Variants in SOX5 observed in about 807,000 individuals in gnomAD.
The protein encoded by SOX5 is transcription factor SOX-5.
In SOX5, 9 loss-of-function variants were observed where a neutral mutation model predicts 92.0. The observed-to-expected ratio is 0.10, with a 90% CI of 0.06 to 0.17. SOX5 has a LOEUF of 0.17. SOX5 is among the 10% of genes least tolerant of loss of function. The pLI, the probability that SOX5 is intolerant of heterozygous loss-of-function variation, is 1.00. For synonymous variants in SOX5, 344 were observed against 336.3 expected, an observed-to-expected ratio of 1.02 and a Z score of -0.25; for missense variants, 642 against 944.5, an observed-to-expected ratio of 0.68 and a Z score of 4.20.
intron 2 of SOX5, among the ~76,000 whole-genome samples, chr12:23,850,298 G>A (rs373805807): frequency 7.3e-5 from 11 of 151,656 alleles, no homozygotes; most frequent in South Asian, 2.1e-4. Flanking sequence ...GCGTGGTGGC[G>A]CGCACCTGTA....
chr12:23,772,082 C>G (rs1018985275), intron 3 of SOX5, among the ~76,000 whole-genome samples: 3 of 152,016 alleles, frequency 2.0e-5, no homozygotes, highest in African/African-American at 7.3e-5. Context: ...TAAGTGGTTA[C>G]CATGGAATTA....
At chr12:23,838,975 G>T (rs1023031444) in intron 3 of SOX5, among the ~76,000 whole-genome samples, 4 of 151,636 alleles carry the variant, frequency 2.6e-5, no homozygotes, top group African/African-American at 4.8e-5. Flanking sequence ...AAGCAGCTGG[G>T]ATTACAGGTG....
intron 4 of SOX5, among the ~76,000 whole-genome samples, chr12:24,147,142 T>C (rs1784768428): frequency 6.6e-6 from 1 of 152,204 alleles, no homozygotes; most frequent in Non-Finnish European, 1.5e-5. Context: ...GAGGCCAGTA[T>C]ACCTTGATAC....
intron 2 of SOX5, among the ~76,000 whole-genome samples, chr12:24,294,176 A>G (rs1946933355): frequency 1.3e-5 from 2 of 152,192 alleles, no homozygotes; most frequent in Admixed American, 6.5e-5. Flanking sequence ...CATGTAAATA[A>G]TGCTTAAATG....
chr12:23,890,219 C>G (rs1409867644), intron 2 of SOX5, among the ~76,000 whole-genome samples: 2 of 151,746 alleles, frequency 1.3e-5, no homozygotes, highest in African/African-American at 4.8e-5. Context: ...ATTCGCAAGC[C>G]TTAAGCCAGA....
intron 11 of SOX5, among the ~76,000 whole-genome samples, chr12:23,552,700 A>C (rs1944431616): frequency 6.6e-6 from 1 of 151,968 alleles, no homozygotes. Flanking sequence ...AGAGTGATCT[A>C]ATAGTCAGAG....
chr12:24,534,392 T>C (rs1951456096), intron 1 of SOX5, among the ~76,000 whole-genome samples: 1 of 152,100 alleles, frequency 6.6e-6, no homozygotes, highest in African/African-American at 2.4e-5. Flanking sequence ...AAATAAATTA[T>C]AGTCAATAAA....
At chr12:23,572,182 A>G (rs1948474861) in intron 10 of SOX5, among the ~76,000 whole-genome samples, 1 of 152,320 alleles carries the variant, frequency 6.6e-6, no homozygotes, top group East Asian at 1.9e-4. Flanking sequence ...GCTAATAGAT[A>G]TATAGCAAAG....
intron 6 of SOX5, among the ~76,000 whole-genome samples, chr12:23,673,430 A>G (rs1186207218): frequency 1.3e-5 from 2 of 152,150 alleles, no homozygotes; most frequent in Non-Finnish European, 2.9e-5. Flanking sequence ...AACAGAATCA[A>G]GATTTGCAAA....
chr12:23,654,681 G>A (rs1410707701), intron 7 of SOX5, among the ~76,000 whole-genome samples: 3 of 152,024 alleles, frequency 2.0e-5, no homozygotes, highest in Non-Finnish European at 4.4e-5. Context: ...CACAAGTAAA[G>A]GTGAAGGAAT....
At chr12:23,719,493 C>T (rs1474434420) in intron 6 of SOX5, among the ~76,000 whole-genome samples, 1 of 152,012 alleles carries the variant, frequency 6.6e-6, no homozygotes, top group Non-Finnish European at 1.5e-5. Flanking sequence ...CACCTGTAAT[C>T]CCAGCACTTT....
rs1040929647 is a variant in SOX5 at position 23,752,351 on chromosome 12, A to T, written c.568+3287T>A. 3.3e-5 allele frequency among the ~76,000 whole-genome samples: 5 copies of T among 151,900 alleles called. No individual in the cohort carries two copies. In the East Asian group the frequency reaches 7.7e-4, roughly 23 times the overall value. On this transcript the variant is annotated intron_variant, in intron 4 of 14. Coordinates refer to ENST00000451604, the MANE Select transcript of SOX5 (RefSeq NM_006940.6). ...GACTTGGCCAGAGAACCTCCCGTACACAGCTCTGCTTTTATCAAGATAAAA... is the reference window on the plus strand; with the variant it reads ...GACTTGGCCAGAGAACCTCCCGTACTCAGCTCTGCTTTTATCAAGATAAAA...
At chr12:23,666,560 T>C (rs113084256) in intron 6 of SOX5, among the ~76,000 whole-genome samples, 6 of 152,336 alleles carry the variant, frequency 3.9e-5, no homozygotes, top group African/African-American at 1.4e-4. Flanking sequence ...TATTGGTTAG[T>C]GTTTATTGAT....
chr12:24,329,362 G>A (rs1951048506), intron 2 of SOX5, among the ~76,000 whole-genome samples: 1 of 152,128 alleles, frequency 6.6e-6, no homozygotes, highest in South Asian at 2.1e-4. Flanking sequence ...AGGCGAGAGA[G>A]AAGAGTGTCC....
intron 6 of SOX5, among the ~76,000 whole-genome samples, chr12:23,687,460 C>G (rs897995524): frequency 6.6e-6 from 1 of 151,968 alleles, no homozygotes; most frequent in Non-Finnish European, 1.5e-5. Flanking sequence ...TTCGGATAAG[C>G]TGATCCTAAA....
At chr12:23,733,154 T>C (rs2093454940) in intron 6 of SOX5, among the ~76,000 whole-genome samples, 1 of 152,164 alleles carries the variant, frequency 6.6e-6, no homozygotes, top group Non-Finnish European at 1.5e-5. Context: ...CCATTCTGTT[T>C]AACAAAGGAC....
At chr12:23,667,900 A>G (rs138525880) in intron 6 of SOX5, among the ~76,000 whole-genome samples, 88 of 152,334 alleles carry the variant, frequency 5.8e-4, no homozygotes, top group African/African-American at 2.0e-3. Context: ...ACACATCTCA[A>G]AATATCGTTG....
intron 2 of SOX5, among the ~76,000 whole-genome samples, chr12:24,347,470 A>T (rs900563546): frequency 2.0e-5 from 3 of 152,154 alleles, no homozygotes; most frequent in African/African-American, 7.2e-5. Context: ...AGAACACTTA[A>T]AATCTACTCT....
chr12:23,747,390 A>G (rs1034067366), intron 4 of SOX5, among the ~76,000 whole-genome samples: 1 of 152,168 alleles, frequency 6.6e-6, no homozygotes, highest in African/African-American at 2.4e-5. Flanking sequence ...AGGTAAATCA[A>G]GTCATGCCAT....
Sources: allele counts gnomAD v4.1 joint callset (sites outside exome capture counted in the v4.1 genomes callset), GRCh38; gene constraint gnomAD v4.1.1; transcripts MANE v1.5; gene names NCBI Gene and HGNC (gene_info 2026-07-23, HGNC 2026-07-21).